The following DLGAP1 variants were observed in gnomAD, a reference collection of about 807,000 sequenced individuals.
DLGAP1 encodes the protein disks large-associated protein 1.
Under a neutral mutation model 90.8 loss-of-function variants are expected in DLGAP1, and 11 were observed. The observed-to-expected ratio is 0.12, with a 90% CI of 0.08 to 0.20. The LOEUF (loss-of-function observed/expected upper bound fraction) is 0.20, where lower values mean the gene tolerates loss of function less well. DLGAP1 is among the 10% of genes least tolerant of loss of function. DLGAP1 has a pLI of 1.00. For missense variants in DLGAP1, 1,050 were observed against 1,333.8 expected, an observed-to-expected ratio of 0.79 and a Z score of 3.31; for synonymous variants, 558 against 540.7, an observed-to-expected ratio of 1.03 and a Z score of -0.44.
intron 5 of DLGAP1, among the ~76,000 whole-genome samples, chr18:3,790,183 C>G (rs893230139): frequency 1.3e-5 from 2 of 152,118 alleles, no homozygotes; most frequent in African/African-American, 4.8e-5. Flanking sequence ...GGTAGACAAG[C>G]AGATGCCCAG....
At chr18:3,846,077 T>C (rs2148660647) in intron 4 of DLGAP1, among the ~76,000 whole-genome samples, 1 of 151,896 alleles carries the variant, frequency 6.6e-6, no homozygotes, top group Non-Finnish European at 1.5e-5. Flanking sequence ...TGTGTGTGTG[T>C]GTGTCTCATT....
At chr18:3,816,309 G>A (rs1337388814) in intron 4 of DLGAP1, among the ~76,000 whole-genome samples, 2 of 152,156 alleles carry the variant, frequency 1.3e-5, no homozygotes, top group Non-Finnish European at 2.9e-5. Context: ...AACCTAAAGT[G>A]TTAAGAAAAT....
chr18:4,258,241 G>A (rs1375459781), intron 1 of DLGAP1, among the ~76,000 whole-genome samples: 2 of 151,908 alleles, frequency 1.3e-5, no homozygotes, highest in Admixed American at 6.6e-5. Context: ...ATGAGGTCTC[G>A]TTGTGTTGCT....
chr18:4,107,741 T>C (rs1041312022), intron 2 of DLGAP1, among the ~76,000 whole-genome samples: 3 of 152,220 alleles, frequency 2.0e-5, no homozygotes, highest in Admixed American at 2.0e-4. Context: ...ATAGTAATAT[T>C]GAAACTCGCT....
intron 7 of DLGAP1, among the ~76,000 whole-genome samples, chr18:3,632,221 T>C (rs1291111353): frequency 6.6e-6 from 1 of 152,254 alleles, no homozygotes; most frequent in Non-Finnish European, 1.5e-5. Context: ...AAATCATTTG[T>C]AATTTCCTTT....
rs140373428 is a variant in DLGAP1 at position 3,587,147 on chromosome 18, C to T, written c.1592-4899G>A. ...TCGGCTCACTGCAACCTCTGCCTCC[C>T]GGGTTCAAGCAATTCTCCTGCCTCA... On this transcript the variant is annotated intron_variant, in intron 7 of 12. Transcript: ENST00000315677. Among the ~76,000 whole-genome samples the T allele has an allele frequency of 8.8e-3, 1,335 of 152,282 alleles. 19 individuals are homozygous for T. The highest frequency in any genetic ancestry group is 0.029 in the African/African-American group (1,211 of 41,566).
chr18:4,143,990 A>C (rs2076538317), intron 2 of DLGAP1, among the ~76,000 whole-genome samples: 1 of 152,120 alleles, frequency 6.6e-6, no homozygotes, highest in Non-Finnish European at 1.5e-5. Context: ...TGCAAGACAA[A>C]GTCCTCTTTA....
At position 3,924,072 on chromosome 18, in the gene DLGAP1, T is replaced by C. The variant is rs114997544; in HGVS notation, c.-72-43932A>G. Reference sequence around the variant, plus strand: ...TTCACATCTTTCCTCTATCTGTTGTTTAAAAGTGTCAGTGATGTCACAGAA... The same window carrying C: ...TTCACATCTTTCCTCTATCTGTTGTCTAAAAGTGTCAGTGATGTCACAGAA... On this transcript the variant is annotated intron_variant, in intron 3 of 12. Coordinates refer to ENST00000315677, the MANE Select transcript of DLGAP1 (RefSeq NM_004746.4). 2.3e-3 allele frequency among the ~76,000 whole-genome samples: 346 copies of C among 152,292 alleles called. 1 individual carries two copies. Among genetic ancestry groups the C allele is most frequent in the African/African-American group, 8.1e-3 (337 of 41,550 alleles).
chr18:3,789,423 C>T (rs973770094), intron 5 of DLGAP1, among the ~76,000 whole-genome samples: 6 of 152,068 alleles, frequency 3.9e-5, no homozygotes, highest in African/African-American at 7.2e-5. Flanking sequence ...GACGGAAGGC[C>T]GGGGCCGAAG....
intron 1 of DLGAP1, among the ~76,000 whole-genome samples, chr18:4,178,376 T>A (rs2077152269): frequency 1.3e-5 from 2 of 152,114 alleles, no homozygotes; most frequent in South Asian, 4.1e-4. Context: ...TATTTTTTTT[T>A]ATCTCTGCTT....
intron 1 of DLGAP1, among the ~76,000 whole-genome samples, chr18:4,439,094 C>G (rs2083468639): frequency 6.6e-6 from 1 of 152,190 alleles, no homozygotes; most frequent in South Asian, 2.1e-4. Context: ...GAGAGACTGA[C>G]CTGCTGAGGT....
At chr18:4,028,815 AC>A (rs2074746075) in intron 2 of DLGAP1, among the ~76,000 whole-genome samples, 1 of 152,184 alleles carries the variant, frequency 6.6e-6, no homozygotes, top group South Asian at 2.1e-4. Flanking sequence ...CAAATGCATC[AC>A]ATTATTTCCC....
At chr18:3,722,967 G>C (rs1396222146) in intron 7 of DLGAP1, among the ~76,000 whole-genome samples, 4 of 152,208 alleles carry the variant, frequency 2.6e-5, no homozygotes, top group African/African-American at 9.6e-5. Flanking sequence ...TTTACTGAGA[G>C]ACCTGAGCTT....
Position 4,224,606 on chromosome 18 carries a change from C to T in DLGAP1, c.-266-73319G>A, listed in dbSNP as rs147775568. On this transcript the variant is annotated intron_variant, in intron 1 of 12. Coordinates refer to ENST00000315677, the MANE Select transcript of DLGAP1 (RefSeq NM_004746.4). ...TGGTGGTGGCAGACACGGAGGAAGA[C>T]GCCTCTGCTTGTGGAAAGGGGAGAG... is the stretch of plus-strand genomic sequence containing the variant. Among the ~76,000 whole-genome samples, 19 of 152,176 alleles carry T rather than the reference C, an allele frequency of 1.2e-4. No individual in the cohort carries two copies. The East Asian group carries it at 2.0e-3, about 16-fold the overall frequency.
At chr18:3,793,131 C>G (rs116678282) in intron 5 of DLGAP1, among the ~76,000 whole-genome samples, 1 of 152,188 alleles carries the variant, frequency 6.6e-6, no homozygotes, top group Non-Finnish European at 1.5e-5. Context: ...AGATGAATTG[C>G]TTGCCCTCTC....
At chr18:3,954,914 C>T (rs549821230) in intron 3 of DLGAP1, among the ~76,000 whole-genome samples, 2 of 152,120 alleles carry the variant, frequency 1.3e-5, no homozygotes, top group African/African-American at 2.4e-5. Flanking sequence ...AAAGTTGCAG[C>T]GCGCAGACTC....
At chr18:4,054,962 T>C (rs767916385) in intron 2 of DLGAP1, among the ~76,000 whole-genome samples, 12 of 152,228 alleles carry the variant, frequency 7.9e-5, no homozygotes, top group Non-Finnish European at 1.6e-4. Context: ...ATTTAGATCA[T>C]CTTTATTAAG....
intron 8 of DLGAP1, among the ~76,000 whole-genome samples, chr18:3,569,143 A>G (rs1004208508): frequency 6.6e-6 from 1 of 151,584 alleles, no homozygotes; most frequent in Non-Finnish European, 1.5e-5. Flanking sequence ...CTGAAATTAC[A>G]GACGCGTGCC....
chr18:4,378,590 T>C lies in DLGAP1; in HGVS notation c.-267+76416A>G, dbSNP rs887753333. Among the ~76,000 whole-genome samples the C allele has an allele frequency of 2.0e-5, 3 of 152,102 alleles. No individual in the cohort carries two copies. The highest frequency in any genetic ancestry group is 7.2e-5 in the African/African-American group (3 of 41,430). On this transcript the variant is annotated intron_variant, in intron 1 of 12. Coordinates refer to ENST00000315677, the MANE Select transcript of DLGAP1 (RefSeq NM_004746.4). The surrounding 1 kb of genome is among the most constrained non-coding windows in gnomAD (Gnocchi z 4.5). Reference sequence around the variant, plus strand: ...AAATCAACAAATAAAATCAAGCTCTTAGAGTGCTTAAGAATCCATGGTGGG... The same window carrying C: ...AAATCAACAAATAAAATCAAGCTCTCAGAGTGCTTAAGAATCCATGGTGGG...
Sources: allele counts gnomAD v4.1 joint callset (sites outside exome capture counted in the v4.1 genomes callset), GRCh38; gene constraint gnomAD v4.1.1; non-coding constraint Gnocchi (gnomAD v3.1); transcripts MANE v1.5; gene names NCBI Gene and HGNC (gene_info 2026-07-23, HGNC 2026-07-21).